DGCR8: variants seen among roughly 807,000 people sequenced by gnomAD.
DGCR8 encodes DGCR8 microprocessor complex subunit.
DGCR8 carries 14 observed loss-of-function variants against 78.5 expected under a neutral mutation model. The observed-to-expected ratio is 0.18, with a 90% confidence interval of 0.12 to 0.28. The LOEUF (loss-of-function observed/expected upper bound fraction) is 0.28, where lower values mean the gene tolerates loss of function less well. DGCR8 is among the 10% of genes least tolerant of loss of function. The probability of loss-of-function intolerance (pLI) is 1.00; values close to 1 mark genes in which losing one functional copy is unlikely to be tolerated. For missense variants in DGCR8, 702 were observed against 1,022.5 expected (o/e 0.69, Z 4.28); for synonymous variants, 399 against 402.4 (o/e 0.99, Z 0.10).
At chr22:20,108,770 C>A in intron 12 of DGCR8, 120 bp from the exon 13 acceptor site, 2 of 722,584 alleles carry the variant, frequency 2.8e-6, no homozygotes, top group Non-Finnish European at 2.5e-6. Context: ...CTGGCTGTTT[C>A]GTGTCTGCCA....
rs2049837161 is a variant in DGCR8, at chr22:20,111,146, G to T, written c.*1038G>T. On this transcript the variant is annotated 3_prime_UTR_variant, in exon 14 of 14. Transcript: ENST00000351989. The stretch of plus-strand genomic sequence containing the variant: ...GTCAAAGGCAGCTGCCTGGTGCCCA[G>T]CTTGCTTCTCGACTGGTGGCCCCTA... 1.3e-5 allele frequency: 5 copies of T among 398,674 alleles called. No individual in the cohort carries two copies. Among genetic ancestry groups the T allele is most frequent in the South Asian group, 1.3e-4 (1 of 7,846 alleles). 24.7% of individuals were successfully genotyped at this position (398,674 alleles called of 1,614,324 possible). A position where few individuals can be genotyped will look rare whatever the true frequency, so the allele number is the denominator to read the frequency against.
chr22:20,095,798 G>T (rs909526636), intron 9 of DGCR8, among the ~76,000 whole-genome samples: 3 of 152,102 alleles, frequency 2.0e-5, no homozygotes, highest in African/African-American at 7.2e-5. Flanking sequence ...TATAAAACCA[G>T]TGGGAGCCCT....
intron 9 of DGCR8, chr22:20,101,927 C>T (rs1465044074): frequency 5.1e-5 from 50 of 985,134 alleles, no homozygotes; most frequent in Admixed American, 1.2e-4. Context: ...GTGGTGGCCA[C>T]GCGTGTATGC....
Position 20,085,857 on chromosome 22 carries a change from G to A in DGCR8, c.-107G>A, listed in dbSNP as rs758947636. The stretch of plus-strand genomic sequence containing the variant: ...TGACTAAGCCGCCAGCGCACAGCGC[G>A]GCAGGACGCGCCCGGGTCTCAGCGG... On this transcript the variant is annotated 5_prime_UTR_variant, in exon 2 of 14. Transcript: ENST00000351989. This position sits in a 1 kb window ranked among gnomAD's most constrained non-coding sequence, Gnocchi z 6.2. 26 of 1,498,252 alleles carry A rather than the reference G, an allele frequency of 1.7e-5. No individual in the cohort carries two copies. The highest frequency in any genetic ancestry group is 4.6e-5 in the Admixed American group (2 of 43,752). 92.8% of individuals were successfully genotyped at this position (1,498,252 alleles called of 1,614,324 possible). A position where few individuals can be genotyped will look rare whatever the true frequency, so the allele number is the denominator to read the frequency against.
Position 20,094,792 on chromosome 22 carries a change from C to A in DGCR8, c.1785C>A (p.Leu595=). 6.2e-7 allele frequency: 1 copy of A among 1,613,858 alleles called. No homozygotes were observed. Among genetic ancestry groups the A allele is most frequent in the Non-Finnish European group, 8.5e-7 (1 of 1,179,786 alleles). Residue 595 remains leucine, a synonymous_variant, in exon 9 of 14, where the codon CTC becomes CTA. Coordinates refer to ENST00000351989, the MANE Select transcript of DGCR8 (RefSeq NM_022720.7). ...AGAAGCCCAAAGACAGTGAAGAACT[C>A]GAGGTGAGTGTTGTGGTCCTGCCCT... ...SEEKPKDSEE[L]EYFNHISIED...
At chr22:20,090,440 A>G (rs1323253295) in intron 5 of DGCR8, among the ~76,000 whole-genome samples, 182 bp downstream of exon 5, 1 of 152,150 alleles carries the variant, frequency 6.6e-6, no homozygotes, top group Non-Finnish European at 1.5e-5. Flanking sequence ...GCCTGGGTGC[A>G]GCACCCTAGG....
At chr22:20,084,340 G>A (rs562993122) in intron 1 of DGCR8, among the ~76,000 whole-genome samples, 1 of 152,344 alleles carries the variant, frequency 6.6e-6, no homozygotes, top group Admixed American at 6.5e-5. Context: ...GTGCATGCAT[G>A]CGTGTTCCTG....
Position 20,110,182 on chromosome 22 carries a change from A to G in DGCR8, c.*74A>G. ...GGAGACCAGCAGTCATGCATCGTGC[A>G]CCACAGTGTCAGGCCTCCAACCCAC... On this transcript the variant is annotated 3_prime_UTR_variant, in exon 14 of 14. Coordinates refer to ENST00000351989, the MANE Select transcript of DGCR8 (RefSeq NM_022720.7). The G allele has an allele frequency of 1.3e-6, 2 of 1,484,696 alleles. No individual in the cohort carries two copies. Among genetic ancestry groups the G allele is most frequent in the African/African-American group, 1.4e-5 (1 of 72,532 alleles). The allele number at this position is 1,484,696 out of a possible 1,614,324, so 92.0% of individuals were successfully genotyped here. A position where few individuals can be genotyped will look rare whatever the true frequency, so the allele number is the denominator to read the frequency against.
At chr22:20,094,583 G>A (rs1407037753) in intron 8 of DGCR8, 130 bp from the exon 9 acceptor site, 2 of 785,898 alleles carry the variant, frequency 2.5e-6, no homozygotes, top group Non-Finnish European at 4.3e-6. Context: ...CTGAAGTGCT[G>A]TCTCTCCTCA....
chr22:20,092,229 C>T (rs569147373), intron 7 of DGCR8, among the ~76,000 whole-genome samples: 1 of 152,324 alleles, frequency 6.6e-6, no homozygotes, highest in African/African-American at 2.4e-5. Flanking sequence ...TTGCTGGTTT[C>T]TGATCCTGCG....
At position 20,102,182 on chromosome 22, in the gene DGCR8, T is replaced by C. The variant is rs565153828; in HGVS notation, c.1789-3995T>C. On this transcript the variant is annotated intron_variant, in intron 9 of 13. Coordinates refer to ENST00000351989, the MANE Select transcript of DGCR8 (RefSeq NM_022720.7). The stretch of plus-strand genomic sequence containing the variant: ...AAATACACAGTCATGTAACCAACAC[T>C]GCAATCAAGATGCAGAACATTTCTG... 2.3e-5 allele frequency: 12 copies of C among 519,038 alleles called. No individual in the cohort carries two copies. In the South Asian group the frequency reaches 9.3e-4, roughly 40 times the overall value. The allele number at this position is 519,038 out of a possible 1,614,324, so 32.2% of individuals were successfully genotyped here. A position where few individuals can be genotyped will look rare whatever the true frequency, so the allele number is the denominator to read the frequency against.
intron 9 of DGCR8, chr22:20,102,120 T>A: frequency 1.0e-6 from 1 of 960,816 alleles, no homozygotes. Flanking sequence ...TACATAGAGT[T>A]AAATTCACTT....
At position 20,086,254 on chromosome 22, in the gene DGCR8, C is replaced by T; in HGVS notation, c.291C>T (p.Arg97=). The change falls in exon 2 of 14, where the codon CGC becomes CGT. Residue 97 remains arginine, a synonymous_variant. Coordinates refer to ENST00000351989, the MANE Select transcript of DGCR8 (RefSeq NM_022720.7). This position sits in a 1 kb window ranked among gnomAD's most constrained non-coding sequence, Gnocchi z 6.4. ...CGAACTGTAGTGGCCACAGCCCGCG[C>T]ACCGCCCGGCACGCACCTGCGGTCC... is the stretch of plus-strand genomic sequence containing the variant. ...IDPNCSGHSP[R]TARHAPAVRK... is the part of the protein sequence containing the mutation. The T allele has an allele frequency of 1.9e-6, 3 of 1,614,190 alleles. No individual in the cohort carries two copies. The highest frequency in any genetic ancestry group is 2.5e-6 in the Non-Finnish European group (3 of 1,180,050).
intron 11 of DGCR8, 97 bp downstream of exon 11, chr22:20,106,795 A>T (rs2049775537): frequency 1.2e-6 from 1 of 858,834 alleles, no homozygotes; most frequent in Non-Finnish European, 2.0e-6. Flanking sequence ...TTGCCCTGGC[A>T]TTGTCCCTGA....
chr22:20,087,447 C>T lies in DGCR8; in HGVS notation c.880+126C>T. 1 of 1,110,444 alleles carries T rather than the reference C, an allele frequency of 9.0e-7. No individual in the cohort carries two copies. The highest frequency in any genetic ancestry group is 2.8e-4 in the Middle Eastern group (1 of 3,534). 68.8% of individuals were successfully genotyped at this position (1,110,444 alleles called of 1,614,324 possible). A position where few individuals can be genotyped will look rare whatever the true frequency, so the allele number is the denominator to read the frequency against. ...GGCTGGGTGGAGGCATGTTTGAGGACAGGACAGAAATATCTGAGGAGGGAA... is the reference window on the plus strand; with the variant it reads ...GGCTGGGTGGAGGCATGTTTGAGGATAGGACAGAAATATCTGAGGAGGGAA... On this transcript the variant is annotated intron_variant, in intron 3 of 13. Transcript: ENST00000351989. The surrounding 1 kb of genome is among the most constrained non-coding windows in gnomAD (Gnocchi z 4.1).
chr22:20,086,773 A>T lies in DGCR8; in HGVS notation c.720+90A>T. 3.3e-5 allele frequency: 12 copies of T among 368,090 alleles called. No homozygotes were observed. The highest frequency in any genetic ancestry group is 3.1e-4 in the South Asian group (4 of 13,026). 22.8% of individuals were successfully genotyped at this position (368,090 alleles called of 1,614,324 possible). ...AGCATCTTTTGAAAGCAGGGAAATTAAAAAAAAAAAAAACAAAAACCAAAA... is the reference window on the plus strand; with the variant it reads ...AGCATCTTTTGAAAGCAGGGAAATTTAAAAAAAAAAAAACAAAAACCAAAA... On this transcript the variant is annotated intron_variant, in intron 2 of 13. Coordinates refer to ENST00000351989, the MANE Select transcript of DGCR8 (RefSeq NM_022720.7). The surrounding 1 kb of genome is among the most constrained non-coding windows in gnomAD (Gnocchi z 6.4).
chr22:20,104,609 T>C (rs1198726857), intron 9 of DGCR8, among the ~76,000 whole-genome samples: 2 of 152,296 alleles, frequency 1.3e-5, no homozygotes, highest in African/African-American at 4.8e-5. Flanking sequence ...CGTTGCTAAT[T>C]GGTTGGCTGG....
rs368377771 is a variant in DGCR8 at position 20,106,161 on chromosome 22, C to T, written c.1789-16C>T. On this transcript the variant is annotated splice_polypyrimidine_tract_variant and intron_variant, in intron 9 of 13. Transcript: ENST00000351989. The stretch of plus-strand genomic sequence containing the variant: ...GGGCCTGGTGGGGACTCACAAGCCT[C>T]TGCTTTGTGTTGTAGTATTTTAACC... 149 of 1,611,412 alleles carry T rather than the reference C, an allele frequency of 9.2e-5. No individual in the cohort carries two copies. The highest frequency in any genetic ancestry group is 1.1e-4 in the Non-Finnish European group (135 of 1,177,914).
chr22:20,106,288 G>A lies in DGCR8; in HGVS notation c.1889+11G>A, dbSNP rs1471006130. 1.2e-6 allele frequency: 2 copies of A among 1,607,586 alleles called. No individual in the cohort carries two copies. The highest frequency in any genetic ancestry group is 1.7e-6 in the Non-Finnish European group (2 of 1,175,418). On this transcript the variant is annotated intron_variant, in intron 10 of 13. Transcript: ENST00000351989. ...CGAGTGCCTTAAAAGGTAGGGTAGG[G>A]GGGTGCCTCCCCCCATGAGTCAGGT...
Sources: gnomAD v4.1 joint callset for allele counts (sites outside exome capture counted in the v4.1 genomes callset) on GRCh38, gnomAD v4.1.1 for gene constraint, Gnocchi (gnomAD v3.1) non-coding constraint, MANE v1.5 for transcripts, NCBI Gene and HGNC (gene_info 2026-07-23, HGNC 2026-07-21) for gene names.